The following CFAP20DC variants were observed in gnomAD, a reference collection of about 807,000 sequenced individuals.
CFAP20DC encodes CFAP20 domain containing.
A neutral mutation model predicts 101.7 loss-of-function variants in CFAP20DC; 84 were observed. The ratio of observed to expected loss-of-function variants is 0.83; its 90% CI spans 0.69 to 0.99. The LOEUF is 0.99. CFAP20DC is among the 50% of genes least tolerant of loss of function. The pLI, the probability that CFAP20DC is intolerant of heterozygous loss-of-function variation, is 0.00. For missense variants in CFAP20DC, 1,007 were observed against 970.3 expected (o/e 1.04, Z -0.50); for synonymous variants, 359 against 351.2 (o/e 1.02, Z -0.25).
chr3:58,718,095 A>G (rs2067421632), intron 3 of CFAP20DC, among the ~76,000 whole-genome samples: 2 of 152,186 alleles, frequency 1.3e-5, no homozygotes, highest in Non-Finnish European at 2.9e-5. Flanking sequence ...CTGGTTAGGT[A>G]TGGGGTCACA....
chr3:58,786,110 G>A (rs2107603229), intron 15 of CFAP20DC, among the ~76,000 whole-genome samples: 1 of 152,268 alleles, frequency 6.6e-6, no homozygotes, highest in South Asian at 2.1e-4. Context: ...CACAGGATGT[G>A]TGCTGCAAAT....
intron 12 of CFAP20DC, among the ~76,000 whole-genome samples, chr3:58,854,279 G>A (rs1461166716): frequency 6.6e-6 from 1 of 151,536 alleles, no homozygotes; most frequent in African/African-American, 2.4e-5. Flanking sequence ...AACTTACAAG[G>A]GATGTGAAGG....
intron 14 of CFAP20DC, among the ~76,000 whole-genome samples, chr3:58,814,720 A>C (rs984031105): frequency 2.7e-5 from 4 of 150,772 alleles, no homozygotes; most frequent in Admixed American, 1.3e-4. Context: ...ACAACAGACA[A>C]ACAGAGAGCC....
rs1034947141 is a variant in CFAP20DC at position 58,717,917 on chromosome 3, G to A, written c.198-289C>T. 6.6e-6 allele frequency among the ~76,000 whole-genome samples: 1 copy of A among 152,198 alleles called. No homozygotes were observed. Among genetic ancestry groups the A allele is most frequent in the Non-Finnish European group, 1.5e-5 (1 of 68,034 alleles). On this transcript the variant is annotated intron_variant, in intron 3 of 3. Coordinates refer to the CFAP20DC transcript ENST00000486145. This position sits in a 1 kb window ranked among gnomAD's most constrained non-coding sequence, Gnocchi z 4.1. The stretch of plus-strand genomic sequence containing the variant: ...TTGGGTAAACTAACCAATGATGCCA[G>A]TCATGACTGATGTAGGGCTTCTTAA...
At chr3:58,837,946 T>C (rs2076849947) in intron 13 of CFAP20DC, among the ~76,000 whole-genome samples, 1 of 152,212 alleles carries the variant, frequency 6.6e-6, no homozygotes, top group Admixed American at 6.5e-5. Flanking sequence ...GGTAAATTAG[T>C]GTTCCAGGGC....
At chr3:58,875,063 G>A (rs940599068) in intron 7 of CFAP20DC, among the ~76,000 whole-genome samples, 2 of 152,190 alleles carry the variant, frequency 1.3e-5, no homozygotes, top group African/African-American at 2.4e-5. Flanking sequence ...GCAGGTCTGG[G>A]CAACTCCAGG....
At chr3:59,027,574 T>C (rs2093915630) in intron 4 of CFAP20DC, among the ~76,000 whole-genome samples, 1 of 152,178 alleles carries the variant, frequency 6.6e-6, no homozygotes, top group Non-Finnish European at 1.5e-5. Flanking sequence ...ATTGAGATAA[T>C]GACAAAATCA....
At chr3:58,765,490 C>CAAAAAAAAAAAAAAAAA (rs1337049385) in intron 15 of CFAP20DC, among the ~76,000 whole-genome samples, 22 of 81,804 alleles carry the variant, frequency 2.7e-4, no homozygotes, top group Non-Finnish European at 4.3e-4. Context: ...AAAAAAAAAC[C>CAAAAAAAAAAAAAAAAA]AAAAAAAAAA....
chr3:58,734,616 C>A (rs1165556540), intron 3 of CFAP20DC: 1 of 455,914 alleles, frequency 2.2e-6, no homozygotes, highest in East Asian at 7.0e-5. Flanking sequence ...GATGTCATCC[C>A]ATTTCTGCTC....
intron 4 of CFAP20DC, among the ~76,000 whole-genome samples, chr3:59,013,764 G>A (rs377103983): frequency 6.6e-6 from 1 of 152,026 alleles, no homozygotes; most frequent in Non-Finnish European, 1.5e-5. Context: ...AAAATTCACA[G>A]AACTAAGCAT....
intron 15 of CFAP20DC, among the ~76,000 whole-genome samples, chr3:58,784,764 C>A (rs2072166919): frequency 6.6e-6 from 1 of 152,086 alleles, no homozygotes; most frequent in South Asian, 2.1e-4. Context: ...AGTCGCTGAA[C>A]TAACTTATAT....
Position 58,754,686 on chromosome 3 carries a change from C to A in CFAP20DC, c.2238-823G>T, listed in dbSNP as rs115971066. Among the ~76,000 whole-genome samples, 1,237 of 152,232 alleles carry A rather than the reference C, an allele frequency of 8.1e-3. 19 individuals carry two copies. Among genetic ancestry groups the A allele is most frequent in the African/African-American group, 0.028 (1,182 of 41,528 alleles). On this transcript the variant is annotated intron_variant, in intron 15 of 16. Coordinates refer to ENST00000482387, the MANE Select transcript of CFAP20DC (RefSeq NM_001394063.1). Reference sequence around the variant, plus strand: ...GTATGTCTTTATAACTAAATAATTTCTTTCTAAATTTCTGTACTTCCTACG... The same window carrying A: ...GTATGTCTTTATAACTAAATAATTTATTTCTAAATTTCTGTACTTCCTACG...
intron 5 of CFAP20DC, among the ~76,000 whole-genome samples, chr3:58,918,686 T>C (rs2085002702): frequency 6.6e-6 from 1 of 152,026 alleles, no homozygotes; most frequent in South Asian, 2.1e-4. Flanking sequence ...TACTGGCAAC[T>C]CCTTTGAAAT....
chr3:58,858,318 T>C (rs1354696098), intron 12 of CFAP20DC, among the ~76,000 whole-genome samples: 1 of 152,214 alleles, frequency 6.6e-6, no homozygotes, highest in Non-Finnish European at 1.5e-5. Context: ...TGATTAACTG[T>C]AGCACAGCAT....
intron 16 of CFAP20DC, 24 bp from the exon 17 acceptor site, chr3:58,742,596 C>A (rs768560519): frequency 6.4e-7 from 1 of 1,564,158 alleles, no homozygotes; most frequent in Admixed American, 1.8e-5. Context: ...GAACCACAGA[C>A]ACATTAGCTG....
intron 4 of CFAP20DC, among the ~76,000 whole-genome samples, chr3:58,939,463 T>A (rs796823633): frequency 1.3e-5 from 2 of 152,112 alleles, no homozygotes; most frequent in Admixed American, 1.3e-4. Context: ...TTTATTTTTA[T>A]TTTTTATTTT....
At chr3:58,720,707 C>T (rs2067460995) in intron 3 of CFAP20DC, among the ~76,000 whole-genome samples, 1 of 152,260 alleles carries the variant, frequency 6.6e-6, no homozygotes, top group African/African-American at 2.4e-5. Flanking sequence ...ATGTGCCTTT[C>T]CTCTTTAAGC....
intron 15 of CFAP20DC, among the ~76,000 whole-genome samples, chr3:58,758,207 T>C (rs1282782946): frequency 6.6e-6 from 1 of 152,194 alleles, no homozygotes; most frequent in Non-Finnish European, 1.5e-5. Flanking sequence ...TAAGCAGAAA[T>C]GTGCAGTCCA....
intron 13 of CFAP20DC, among the ~76,000 whole-genome samples, chr3:58,835,739 T>C (rs1173088431): frequency 1.3e-5 from 2 of 152,194 alleles, no homozygotes; most frequent in Non-Finnish European, 2.9e-5. Flanking sequence ...CTGCGAAATG[T>C]TTTTGATTTG....
Sources: gnomAD v4.1 joint callset for allele counts (sites outside exome capture counted in the v4.1 genomes callset) on GRCh38, gnomAD v4.1.1 for gene constraint, Gnocchi (gnomAD v3.1) non-coding constraint, MANE v1.5 for transcripts, NCBI Gene and HGNC (gene_info 2026-07-23, HGNC 2026-07-21) for gene names.